The following TENM2 variants were observed in gnomAD, a reference collection of about 807,000 sequenced individuals.
TENM2 encodes the protein teneurin transmembrane protein 2.
TENM2 carries 52 observed loss-of-function variants against 245.2 expected under a neutral mutation model. That is an observed-to-expected ratio of 0.21 (90% CI 0.17 to 0.27). TENM2 has a LOEUF of 0.27. Ranked by LOEUF, TENM2 falls within the 10% of genes least tolerant of loss-of-function variation. The pLI is 1.00. For missense variants in TENM2, 3,046 were observed against 3,666.8 expected (o/e 0.83, Z 4.37); for synonymous variants, 1,363 against 1,438.9 (o/e 0.95, Z 1.19).
chr5:167,054,813 A>G, the TENM2 span, among the ~76,000 whole-genome samples: 1 of 152,106 alleles, frequency 6.6e-6, no homozygotes, highest in African/African-American at 2.4e-5. Flanking sequence ...TTGAATTGCC[A>G]TTTTTGTATC....
At chr5:167,599,495 G>A (rs375321302) in intron 2 of TENM2, among the ~76,000 whole-genome samples, 32 of 152,262 alleles carry the variant, frequency 2.1e-4, no homozygotes, top group African/African-American at 7.2e-4. Context: ...AATTTTCTAT[G>A]GATCAGTTTG....
exon 11 of TENM2, chr5:168,124,979 A>G (rs1795738004): frequency 1.2e-6 from 2 of 1,611,596 alleles, no homozygotes; most frequent in Non-Finnish European, 1.7e-6. Context: ...TGCAGTGGGC[A>G]TGGCACGTAC....
At chr5:167,544,975 C>G (rs1046071500) in intron 2 of TENM2, among the ~76,000 whole-genome samples, 1 of 152,156 alleles carries the variant, frequency 6.6e-6, no homozygotes, top group African/African-American at 2.4e-5. Flanking sequence ...ACATAGTTCA[C>G]TGTCCCTGAG....
intron 7 of TENM2, among the ~76,000 whole-genome samples, chr5:168,070,036 C>T (rs955441245): frequency 6.6e-6 from 1 of 152,150 alleles, no homozygotes; most frequent in African/African-American, 2.4e-5. Flanking sequence ...CATCTGCTTA[C>T]AGAAATGCTC....
chr5:168,039,469 A>C (rs910451942), intron 5 of TENM2, among the ~76,000 whole-genome samples: 24 of 152,210 alleles, frequency 1.6e-4, no homozygotes, highest in African/African-American at 5.1e-4. Flanking sequence ...TTTGGTGAAT[A>C]AAACCTACCG....
chr5:167,101,942 T>A, the TENM2 span, among the ~76,000 whole-genome samples: 4,874 of 123,134 alleles, frequency 0.04, 193 homozygotes, highest in East Asian at 0.17. Flanking sequence ...ATATATATTT[T>A]TTTTTTTTTT....
chr5:167,555,516 A>G (rs1234703400), intron 2 of TENM2, among the ~76,000 whole-genome samples: 1 of 152,192 alleles, frequency 6.6e-6, no homozygotes, highest in Non-Finnish European at 1.5e-5. Context: ...GGCTTTTTGT[A>G]CAACATAAGA....
chr5:167,167,191 C>A, the TENM2 span, among the ~76,000 whole-genome samples: 1 of 152,088 alleles, frequency 6.6e-6, no homozygotes, highest in Admixed American at 6.5e-5. Context: ...CAGCAAGTCC[C>A]GTCTGTAAAT....
At chr5:167,481,024 T>G (rs1767724880) in intron 2 of TENM2, among the ~76,000 whole-genome samples, 1 of 152,250 alleles carries the variant, frequency 6.6e-6, no homozygotes, top group African/African-American at 2.4e-5. Flanking sequence ...TCTTTCCGAT[T>G]CTACAAGCAT....
chr5:167,058,480 A>T, the TENM2 span, among the ~76,000 whole-genome samples: 1 of 152,320 alleles, frequency 6.6e-6, no homozygotes, highest in East Asian at 1.9e-4. Flanking sequence ...AATTTTTGGC[A>T]AGGTATGATG....
chr5:167,309,459 C>G (rs1755886869), intron 1 of TENM2, among the ~76,000 whole-genome samples: 1 of 152,080 alleles, frequency 6.6e-6, no homozygotes, highest in Non-Finnish European at 1.5e-5. Flanking sequence ...TTCGTTAAGC[C>G]AAGGAACATC....
intron 2 of TENM2, among the ~76,000 whole-genome samples, chr5:167,855,614 C>G (rs951782129): frequency 4.1e-4 from 56 of 135,054 alleles, no homozygotes; most frequent in Admixed American, 1.3e-3. Flanking sequence ...CTGATATGTA[C>G]TAGACACTCG....
chr5:168,186,015 AATTT>A (rs1280261839), intron 13 of TENM2: 1 of 135,192 alleles, frequency 7.4e-6, no homozygotes, highest in Admixed American at 7.8e-5. Context: ...TATATATATA[AATTT>A]ATTTATTCTT....
At chr5:167,476,805 G>A (rs1463337776) in intron 2 of TENM2, among the ~76,000 whole-genome samples, 2 of 152,020 alleles carry the variant, frequency 1.3e-5, no homozygotes, top group South Asian at 2.1e-4. Flanking sequence ...CACCATGTTG[G>A]CCAGGCTGGT....
At chr5:167,955,752 G>C (rs75473758) in intron 4 of TENM2, among the ~76,000 whole-genome samples, 1 of 152,230 alleles carries the variant, frequency 6.6e-6, no homozygotes, top group Non-Finnish European at 1.5e-5. Context: ...TGTTTCCATC[G>C]GGTTTGTCAA....
At chr5:167,313,281 G>C (rs1756148882) in intron 1 of TENM2, among the ~76,000 whole-genome samples, 1 of 152,120 alleles carries the variant, frequency 6.6e-6, no homozygotes, top group Admixed American at 6.6e-5. Flanking sequence ...TTCCAGGGGT[G>C]TACAATCTTT....
the TENM2 span, among the ~76,000 whole-genome samples, chr5:167,130,422 G>A: frequency 2.0e-5 from 3 of 152,156 alleles, no homozygotes; most frequent in African/African-American, 7.2e-5. Flanking sequence ...GTAATCCTCA[G>A]AACAATAGCA....
intron 2 of TENM2, among the ~76,000 whole-genome samples, chr5:167,808,640 G>A (rs897742908): frequency 6.6e-6 from 1 of 152,146 alleles, no homozygotes; most frequent in Non-Finnish European, 1.5e-5. Flanking sequence ...TACCTTTATT[G>A]TAAGAGAGAT....
intron 3 of TENM2, among the ~76,000 whole-genome samples, chr5:167,887,684 A>G (rs779266633): frequency 1.4e-4 from 21 of 152,196 alleles, no homozygotes; most frequent in Non-Finnish European, 2.9e-4. Flanking sequence ...AGTTGCTTTC[A>G]TTGATAAATG....
Sources: allele counts gnomAD v4.1 joint callset (sites outside exome capture counted in the v4.1 genomes callset), GRCh38; gene constraint gnomAD v4.1.1; transcripts MANE v1.5; gene names NCBI Gene and HGNC (gene_info 2026-07-23, HGNC 2026-07-21).